The following SUZ12 variants were observed in gnomAD, a reference collection of about 807,000 sequenced individuals.
SUZ12 encodes the protein SUZ12 polycomb repressive complex 2 subunit.
SUZ12 carries 17 observed loss-of-function variants against 87.3 expected under a neutral mutation model. The ratio of observed to expected loss-of-function variants is 0.19; its 90% CI spans 0.13 to 0.29. The LOEUF is 0.29. Ranked by LOEUF, SUZ12 falls within the 10% of genes least tolerant of loss-of-function variation. The pLI, the probability that SUZ12 is intolerant of heterozygous loss-of-function variation, is 1.00. For synonymous variants in SUZ12, 253 were observed against 312.4 expected (o/e 0.81, Z 2.01); for missense variants, 526 against 912.2 (o/e 0.58, Z 5.45).
chr17:31,944,693 G>A (rs1906516170), intron 3 of SUZ12, among the ~76,000 whole-genome samples: 1 of 152,122 alleles, frequency 6.6e-6, no homozygotes, highest in South Asian at 2.1e-4. Flanking sequence ...TAGGCATGGT[G>A]TTTCAGACCT....
intron 1 of SUZ12, among the ~76,000 whole-genome samples, chr17:31,939,981 G>A (rs1203790819): frequency 1.3e-5 from 2 of 152,190 alleles, no homozygotes; most frequent in Non-Finnish European, 2.9e-5. Flanking sequence ...TAAGTTAAAT[G>A]AGTACAACTA....
At chr17:31,968,373 C>T (rs547217281) in intron 5 of SUZ12, among the ~76,000 whole-genome samples, 8 of 152,026 alleles carry the variant, frequency 5.3e-5, no homozygotes, top group Non-Finnish European at 1.0e-4. Flanking sequence ...GAACTACAGG[C>T]GTTCCCACCA....
chr17:31,949,819 G>T (rs1180589786), intron 4 of SUZ12, among the ~76,000 whole-genome samples: 1 of 149,876 alleles, frequency 6.7e-6, no homozygotes, highest in East Asian at 2.0e-4. Flanking sequence ...GAATAGCTGG[G>T]AATACAGACG....
chr17:31,956,749 C>CGT (rs896988768), intron 4 of SUZ12, among the ~76,000 whole-genome samples: 15 of 151,250 alleles, frequency 9.9e-5, no homozygotes, highest in Admixed American at 2.6e-4. Flanking sequence ...TCTATATATA[C>CGT]GTGTGTGTGT....
At chr17:31,994,288 A>G (rs919226309) in intron 12 of SUZ12, 15 of 437,356 alleles carry the variant, frequency 3.4e-5, no homozygotes, top group Admixed American at 8.0e-5. Flanking sequence ...TTGACTCACA[A>G]AATCCTCAAC....
At chr17:31,947,350 G>C (rs942418980) in intron 3 of SUZ12, among the ~76,000 whole-genome samples, 2 of 152,126 alleles carry the variant, frequency 1.3e-5, no homozygotes, top group African/African-American at 4.8e-5. Flanking sequence ...CAAGTACCAT[G>C]GGTAAGGAGA....
chr17:31,953,775 G>A (rs1236897755), intron 4 of SUZ12, among the ~76,000 whole-genome samples: 1 of 148,274 alleles, frequency 6.7e-6, no homozygotes, highest in African/African-American at 2.5e-5. Context: ...GTGCAGTGGC[G>A]CGATCTCGGC....
At chr17:31,952,561 T>C (rs1428091186) in intron 4 of SUZ12, among the ~76,000 whole-genome samples, 1 of 152,176 alleles carries the variant, frequency 6.6e-6, no homozygotes. Context: ...GAATTATCTT[T>C]TTTTTGTTGC....
intron 9 of SUZ12, among the ~76,000 whole-genome samples, chr17:31,985,655 G>GT (rs1028552680): frequency 9.6e-4 from 139 of 144,906 alleles, no homozygotes; most frequent in East Asian, 6.3e-3. Context: ...TTTTGTTTTT[G>GT]TTTTTTTTTT....
intron 4 of SUZ12, among the ~76,000 whole-genome samples, chr17:31,961,170 G>A (rs138395467): frequency 0.019 from 2,880 of 151,752 alleles, 48 homozygotes; most frequent in South Asian, 0.064. Context: ...CCGAGATCAC[G>A]CCATTGAACT....
At chr17:31,985,956 C>T (rs1001863331) in intron 9 of SUZ12, among the ~76,000 whole-genome samples, 6 of 149,388 alleles carry the variant, frequency 4.0e-5, no homozygotes, top group Non-Finnish European at 9.0e-5. Context: ...CGACCGTGCC[C>T]GGCCTGGCCT....
chr17:31,947,519 A>G (rs370322682), intron 3 of SUZ12, 98 bp from the exon 4 acceptor site: 1 of 1,415,628 alleles, frequency 7.1e-7, no homozygotes, highest in Non-Finnish European at 9.5e-7. Context: ...AATAATCAAA[A>G]TCTGGTTTCC....
At chr17:31,937,935 G>GGGAT (rs1422800567) in intron 1 of SUZ12, among the ~76,000 whole-genome samples, 1 of 142,006 alleles carries the variant, frequency 7.0e-6, no homozygotes, top group Non-Finnish European at 1.5e-5. Context: ...AGCCTGTGAA[G>GGGAT]GGATGAGTGC....
intron 9 of SUZ12, 64 bp from the exon 10 acceptor site, chr17:31,988,256 T>G (rs1176388913): frequency 1.4e-6 from 2 of 1,438,842 alleles, no homozygotes; most frequent in African/African-American, 2.9e-5. Flanking sequence ...TTTTTTTTAA[T>G]TTCTACAATT....
At chr17:31,947,813 A>G (rs2142129135) in intron 4 of SUZ12, 128 bp downstream of exon 4, 1 of 927,890 alleles carries the variant, frequency 1.1e-6, no homozygotes, top group African/African-American at 1.7e-5. Flanking sequence ...AGTTTGGTCC[A>G]AACTCACACA....
At chr17:31,948,406 C>T (rs541461186) in intron 4 of SUZ12, among the ~76,000 whole-genome samples, 44 of 152,212 alleles carry the variant, frequency 2.9e-4, no homozygotes, top group African/African-American at 1.1e-3. Flanking sequence ...TTTGTTCATT[C>T]ATTAACTCCT....
intron 3 of SUZ12, among the ~76,000 whole-genome samples, chr17:31,945,479 T>C (rs1248447312): frequency 6.6e-6 from 1 of 152,228 alleles, no homozygotes; most frequent in Non-Finnish European, 1.5e-5. Flanking sequence ...TCCATTTTGC[T>C]AGATTTCGTG....
chr17:31,950,584 TGAGGCAGGAGAATCCCTTGAACCCGG>T (rs1194347069), intron 4 of SUZ12, among the ~76,000 whole-genome samples: 1 of 151,952 alleles, frequency 6.6e-6, no homozygotes, highest in African/African-American at 2.4e-5. Flanking sequence ...CTTGGGTGAC[TGAGGCAGGAGAATCCCTTGAACCCGG>T]GAGGCAGAGG....
At chr17:31,946,899 G>A (rs1906671308) in intron 3 of SUZ12, among the ~76,000 whole-genome samples, 1 of 152,060 alleles carries the variant, frequency 6.6e-6, no homozygotes, top group Non-Finnish European at 1.5e-5. Flanking sequence ...AAGTTAAAAG[G>A]TAGTAGTTTT....
Sources: allele counts gnomAD v4.1 joint callset (sites outside exome capture counted in the v4.1 genomes callset), GRCh38; gene constraint gnomAD v4.1.1; transcripts MANE v1.5; gene names NCBI Gene and HGNC (gene_info 2026-07-23, HGNC 2026-07-21).